ANK3: variants seen among roughly 807,000 people sequenced by gnomAD.
ANK3 encodes the protein ankyrin-3.
In ANK3, 57 loss-of-function variants were observed where a neutral mutation model predicts 370.9. That is an observed-to-expected ratio of 0.15 (90% confidence interval 0.12 to 0.19). The LOEUF is 0.19. ANK3 is among the 10% of genes least tolerant of loss of function. The pLI, the probability that ANK3 is intolerant of heterozygous loss-of-function variation, is 1.00. For synonymous variants in ANK3, 1,929 were observed against 1,946.3 expected (o/e 0.99, Z 0.23); for missense variants, 4,439 against 5,302.1 (o/e 0.84, Z 5.06).
At chr10:60,095,085 C>T (rs1048934665) in intron 28 of ANK3, among the ~76,000 whole-genome samples, 10 of 152,196 alleles carry the variant, frequency 6.6e-5, no homozygotes, top group African/African-American at 2.2e-4. Context: ...CCGCATTGCT[C>T]GGCATCATGA....
chr10:60,395,568 C>CT (rs1555367105), intron 2 of ANK3, among the ~76,000 whole-genome samples: 189 of 116,650 alleles, frequency 1.6e-3, no homozygotes, highest in African/African-American at 6.5e-3. Flanking sequence ...TTCTTTCTTT[C>CT]TTTCTTTCTT....
chr10:60,233,081 T>C (rs1592152269), intron 8 of ANK3, among the ~76,000 whole-genome samples: 1 of 152,188 alleles, frequency 6.6e-6, no homozygotes. Context: ...ACAAGAAATA[T>C]TGAATAAGAA....
At chr10:60,184,580 G>A (rs1041085956) in intron 17 of ANK3, among the ~76,000 whole-genome samples, 1 of 152,204 alleles carries the variant, frequency 6.6e-6, no homozygotes, top group Admixed American at 6.5e-5. Context: ...ACTCAGGAAA[G>A]TGGCCAGAAA....
chr10:60,409,285 A>T (rs2063513341), intron 2 of ANK3, among the ~76,000 whole-genome samples: 1 of 152,202 alleles, frequency 6.6e-6, no homozygotes, highest in South Asian at 2.1e-4. Flanking sequence ...TTCTGGAGAG[A>T]CCAAGAGATA....
chr10:60,081,778 T>C lies in ANK3; in HGVS notation c.4350+372A>G, dbSNP rs1051043004. ...GGTAGTGCGTTATCTCAGTTGACTG[T>C]TCTCGTCAGTCATAGATAGAACTTC... On this transcript the variant is annotated intron_variant, in intron 35 of 43. Transcript: ENST00000280772. 3 of 268,514 alleles carry C rather than the reference T, an allele frequency of 1.1e-5. No homozygotes were observed. In the South Asian group the frequency reaches 1.2e-4, roughly 11 times the overall value. The allele number at this position is 268,514 out of a possible 1,614,324, so 16.6% of individuals were successfully genotyped here.
At chr10:60,696,095 A>G (rs989838129) in intron 1 of ANK3, among the ~76,000 whole-genome samples, 14 of 150,824 alleles carry the variant, frequency 9.3e-5, no homozygotes, top group African/African-American at 2.9e-4. Flanking sequence ...ACAAAAATAC[A>G]AACTACCATC....
chr10:60,697,107 C>T (rs1461003587), intron 1 of ANK3, among the ~76,000 whole-genome samples: 3 of 151,746 alleles, frequency 2.0e-5, no homozygotes, highest in Non-Finnish European at 4.4e-5. Context: ...TATACACCAA[C>T]AACAGACAAA....
intron 2 of ANK3, among the ~76,000 whole-genome samples, chr10:60,526,494 T>C (rs1595208465): frequency 6.6e-6 from 1 of 152,130 alleles, no homozygotes; most frequent in Non-Finnish European, 1.5e-5. Flanking sequence ...CTCATAAAAA[T>C]GTCAGGAGTG....
At chr10:60,177,877 A>C (rs1428943538) in intron 18 of ANK3, among the ~76,000 whole-genome samples, 1 of 152,016 alleles carries the variant, frequency 6.6e-6, no homozygotes, top group Admixed American at 6.6e-5. Context: ...TTCAAATCTT[A>C]GCTGTTTGTA....
chr10:60,319,863 A>G (rs1488454528), intron 1 of ANK3, among the ~76,000 whole-genome samples: 1 of 152,116 alleles, frequency 6.6e-6, no homozygotes, highest in Non-Finnish European at 1.5e-5. Flanking sequence ...CTTATAACCT[A>G]AATACTGTTA....
Position 60,073,212 on chromosome 10 carries a change from T to A in ANK3, c.7669A>T (p.Met2557Leu), listed in dbSNP as rs982958119. 8 of 1,614,056 alleles carry A rather than the reference T, an allele frequency of 5.0e-6. No homozygotes were observed. Among genetic ancestry groups the A allele is most frequent in the Non-Finnish European group, 5.9e-6 (7 of 1,180,040 alleles). ...NVSSPKHAMW[M>L]RFTEDRLDRG... ...TCTAATCTGTCCTCAGTAAAGCGCA[T>A]CCACATGGCATGTTTTGGACTACTA... The change falls in exon 37 of 44, where the codon ATG becomes TTG. Residue 2557 changes from methionine to leucine, a missense_variant. Around this residue, in one of 13 missense-constraint regions of ANK3, gnomAD observed 1,601 missense variants for 1,731.7 expected, o/e 0.92. Transcript: ENST00000280772.
intron 2 of ANK3, among the ~76,000 whole-genome samples, chr10:60,540,317 G>T (rs935673211): frequency 2.0e-5 from 3 of 151,868 alleles, no homozygotes; most frequent in Non-Finnish European, 2.9e-5. Context: ...GGAAGATGAA[G>T]TCACCTCAGT....
At chr10:60,351,280 C>A (rs1013191410) in intron 1 of ANK3, among the ~76,000 whole-genome samples, 2 of 152,214 alleles carry the variant, frequency 1.3e-5, no homozygotes, top group East Asian at 3.9e-4. Flanking sequence ...TCTTTGGGGG[C>A]AATCACTCAG....
At chr10:60,207,607 C>T (rs1350444637) in intron 10 of ANK3, among the ~76,000 whole-genome samples, 1 of 152,172 alleles carries the variant, frequency 6.6e-6, no homozygotes, top group African/African-American at 2.4e-5. Context: ...CATTAACTTA[C>T]AAGGTTAAGA....
intron 1 of ANK3, among the ~76,000 whole-genome samples, chr10:60,723,912 T>C (rs1008968660): frequency 9.2e-5 from 14 of 151,764 alleles, no homozygotes; most frequent in African/African-American, 3.4e-4. Flanking sequence ...AGCAGTGGAA[T>C]AAGGTAAAGA....
At chr10:60,131,437 G>A (rs2094062653) in intron 25 of ANK3, among the ~76,000 whole-genome samples, 1 of 152,178 alleles carries the variant, frequency 6.6e-6, no homozygotes, top group Non-Finnish European at 1.5e-5. Context: ...TATTTTGAAA[G>A]ATTTTCAGAT....
At chr10:60,231,672 G>C (rs144274365) in intron 8 of ANK3, among the ~76,000 whole-genome samples, 2 of 152,264 alleles carry the variant, frequency 1.3e-5, no homozygotes, top group East Asian at 3.9e-4. Flanking sequence ...CAGCAGGAGA[G>C]AAGGGACATT....
intron 1 of ANK3, among the ~76,000 whole-genome samples, chr10:60,306,428 C>CATAT (rs753175801): frequency 0.017 from 1,882 of 111,932 alleles, 41 homozygotes; most frequent in Admixed American, 0.078. Flanking sequence ...GGTGTATGTG[C>CATAT]ATATATATAT....
chr10:60,124,537 C>T (rs932951944), intron 25 of ANK3, among the ~76,000 whole-genome samples: 17 of 152,166 alleles, frequency 1.1e-4, no homozygotes, highest in Non-Finnish European at 1.8e-4. Context: ...TGTTGCATCC[C>T]TCTATGTAGA....
Sources: allele counts gnomAD v4.1 joint callset (sites outside exome capture counted in the v4.1 genomes callset), GRCh38; gene constraint gnomAD v4.1.1; regional missense constraint gnomAD v4.1.1; transcripts MANE v1.5; gene names NCBI Gene and HGNC (gene_info 2026-07-23, HGNC 2026-07-21).